Variants in SNW1 observed in about 807,000 individuals in gnomAD.
SNW1 encodes SNW domain-containing protein 1.
In SNW1, 9 loss-of-function variants were observed where a neutral mutation model predicts 75.6. The observed-to-expected ratio is 0.12, with a 90% CI of 0.07 to 0.21. The LOEUF is 0.21. Among genes scored for constraint, SNW1 ranks in the 10% least tolerant of loss-of-function variants. SNW1 has a pLI of 1.00. For synonymous variants in SNW1, 200 were observed against 219.1 expected (o/e 0.91, Z 0.77); for missense variants, 409 against 670.9 (o/e 0.61, Z 4.31).
Position 77,733,999 on chromosome 14 carries a change from A to T in SNW1, c.774+948T>A, listed in dbSNP as rs1395771898. 8 of 419,064 alleles carry T rather than the reference A, an allele frequency of 1.9e-5. No homozygotes were observed. The East Asian group carries it at 5.1e-4, about 27-fold the overall frequency. The allele number at this position is 419,064 out of a possible 1,614,324, so 26.0% of individuals were successfully genotyped here. On this transcript the variant is annotated intron_variant, in intron 8 of 13. Coordinates refer to ENST00000261531, the MANE Select transcript of SNW1 (RefSeq NM_012245.3). The stretch of plus-strand genomic sequence containing the variant: ...AGCTCAAGATACCATCCAGTTACAA[A>T]ATACCAATCAACTCAAATCAGACCA...
intron 3 of SNW1, among the ~76,000 whole-genome samples, chr14:77,749,029 A>G (rs969447599): frequency 3.9e-5 from 6 of 152,188 alleles, no homozygotes; most frequent in African/African-American, 1.4e-4. Context: ...AAAATTATGT[A>G]TTTAGGTTTG....
rs1566835911 is a variant in SNW1 at position 77,751,337 on chromosome 14, T to C, written c.312A>G (p.Gln104=). 1 of 1,613,166 alleles carries C rather than the reference T, an allele frequency of 6.2e-7. No homozygotes were observed. The highest frequency in any genetic ancestry group is 8.5e-7 in the Non-Finnish European group (1 of 1,179,704). ...GGATTACCTTGTCTTTTGACTGTCC[T>C]TGTCGAGCAATTGCATCATATTTAA... ...GKIKYDAIAR[Q]GQSKDKVIYS... The change falls in exon 3 of 14, where the codon CAA becomes CAG. Residue 104 remains glutamine (Q), a synonymous_variant. Transcript: ENST00000261531.
At chr14:77,722,940 G>A (rs1595073922) in intron 11 of SNW1, 1 of 478,850 alleles carries the variant, frequency 2.1e-6, no homozygotes, top group East Asian at 4.4e-5. Flanking sequence ...CACCTCCCGG[G>A]TTCACGCCAT....
intron 7 of SNW1, 136 bp from the exon 8 acceptor site, chr14:77,735,148 T>C: frequency 1.8e-6 from 1 of 557,904 alleles, no homozygotes; most frequent in Non-Finnish European, 3.2e-6. Context: ...AGCAGTCCAT[T>C]TGTTTGCTAG....
intron 5 of SNW1, 156 bp downstream of exon 5, chr14:77,738,622 T>A: frequency 1.6e-6 from 1 of 628,836 alleles, no homozygotes; most frequent in Non-Finnish European, 2.8e-6. Flanking sequence ...AAAATTCTGC[T>A]TTCAATTGTC....
At chr14:77,740,385 A>G (rs755460715) in intron 3 of SNW1, among the ~76,000 whole-genome samples, 36 of 152,230 alleles carry the variant, frequency 2.4e-4, no homozygotes, top group Non-Finnish European at 4.9e-4. Context: ...AAAAAAGTTT[A>G]AAGGAAATGC....
intron 10 of SNW1, among the ~76,000 whole-genome samples, chr14:77,724,779 G>A (rs187862741): frequency 1.3e-5 from 2 of 152,236 alleles, no homozygotes; most frequent in East Asian, 3.9e-4. Flanking sequence ...TCCGTATCTT[G>A]GTAACTGTAA....
rs181894313 is a variant in SNW1, at chr14:77,740,261, T to G, written c.331-1200A>C. On this transcript the variant is annotated intron_variant, in intron 3 of 13. Coordinates refer to ENST00000261531, the MANE Select transcript of SNW1 (RefSeq NM_012245.3). ...AAAAAGAAAGGACAACTTATAAATA[T>G]CAAAGAAAATCAAATTCCTAGGCAC... Among the ~76,000 whole-genome samples the G allele has an allele frequency of 1.1e-3, 168 of 151,084 alleles. 2 individuals are homozygous for G. Among genetic ancestry groups the G allele is most frequent in the African/African-American group, 4.0e-3 (165 of 41,254 alleles).
In SNW1 at chr14:77,736,061, C is replaced by A; in HGVS notation, c.639-55G>T. The A allele has an allele frequency of 2.4e-6, 3 of 1,264,998 alleles. No homozygotes were observed. The Admixed American group carries it at 5.8e-5, about 25-fold the overall frequency. The allele number at this position is 1,264,998 out of a possible 1,614,324, so 78.4% of individuals were successfully genotyped here. On this transcript the variant is annotated intron_variant, in intron 6 of 13. Coordinates refer to ENST00000261531, the MANE Select transcript of SNW1 (RefSeq NM_012245.3). ...ATATAGTTTCCTCCCTTTTAGTCAT[C>A]ATATCAAGTCTCTCCTCCTTTTTCT...
chr14:77,729,987 TCC>T (rs1160837511), intron 10 of SNW1, among the ~76,000 whole-genome samples: 1 of 152,128 alleles, frequency 6.6e-6, no homozygotes, highest in African/African-American at 2.4e-5. Context: ...CTCCTACTTA[TCC>T]CCTTCTTTCT....
intron 9 of SNW1, among the ~76,000 whole-genome samples, chr14:77,731,620 G>C (rs866373665): frequency 1.2e-4 from 18 of 152,140 alleles, no homozygotes; most frequent in African/African-American, 3.9e-4. Flanking sequence ...ACTTACATCT[G>C]CTAGATAATT....
chr14:77,758,006 T>C (rs1205830267), intron 1 of SNW1, among the ~76,000 whole-genome samples: 2 of 106,170 alleles, frequency 1.9e-5, no homozygotes, highest in Non-Finnish European at 3.9e-5. Flanking sequence ...ATCACAATTT[T>C]TCTCTATCTA....
chr14:77,720,720 G>A lies in SNW1; in HGVS notation c.1239C>T (p.Asn413=), dbSNP rs1246241942. The change falls in exon 12 of 14, where the codon AAC becomes AAT. Residue 413 remains asparagine (N), a synonymous_variant. Coordinates refer to ENST00000261531, the MANE Select transcript of SNW1 (RefSeq NM_012245.3). ...NEVQYDQRLF[N]QSKGMDSGFA... ...GTTCCTAAACTTGTACCTTGGATTG[G>A]TTGAAGAGCCTTTGGTCATACTGAA... is the stretch of plus-strand genomic sequence containing the variant. 6.2e-7 allele frequency: 1 copy of A among 1,607,834 alleles called. No homozygotes were observed. The highest frequency in any genetic ancestry group is 8.5e-7 in the Non-Finnish European group (1 of 1,174,616).
At position 77,745,436 on chromosome 14, in the gene SNW1, G is replaced by A. The variant is rs143780625; in HGVS notation, c.330+5883C>T. Reference sequence around the variant, plus strand: ...ATGTTTTTTCTTCTTGGCTGGGCACGGTGTCTCATGCCTGTAATCCCAGCA... The same window carrying A: ...ATGTTTTTTCTTCTTGGCTGGGCACAGTGTCTCATGCCTGTAATCCCAGCA... On this transcript the variant is annotated intron_variant, in intron 3 of 13. Transcript: ENST00000261531. Among the ~76,000 whole-genome samples, 528 of 152,256 alleles carry A rather than the reference G, an allele frequency of 3.5e-3. 4 individuals are homozygous for A. Among genetic ancestry groups the A allele is most frequent in the Middle Eastern group, 0.021 (6 of 292 alleles).
chr14:77,733,727 A>G (rs1461799193), intron 8 of SNW1, among the ~76,000 whole-genome samples: 1 of 140,888 alleles, frequency 7.1e-6, no homozygotes, highest in East Asian at 2.2e-4. Flanking sequence ...CCTGGGCAAC[A>G]GAGCGAGACC....
chr14:77,733,941 T>C (rs1475904743), intron 8 of SNW1: 3 of 446,812 alleles, frequency 6.7e-6, no homozygotes, highest in African/African-American at 2.0e-5. Context: ...TTTTAGTCCA[T>C]GGTCTCATAA....
At chr14:77,737,611 T>C (rs1197336779) in intron 5 of SNW1, among the ~76,000 whole-genome samples, 1 of 152,206 alleles carries the variant, frequency 6.6e-6, no homozygotes, top group African/African-American at 2.4e-5. Flanking sequence ...CTATTACTTA[T>C]AAATGGAAAA....
In SNW1 at chr14:77,718,526, A is replaced by G. The variant is rs1349409413; in HGVS notation, c.1253T>C (p.Met418Thr). 1.1e-5 allele frequency: 17 copies of G among 1,573,460 alleles called. No homozygotes were observed. Among genetic ancestry groups the G allele is most frequent in the South Asian group, 3.4e-5 (3 of 87,274 alleles). The change falls in exon 13 of 14, where the codon ATG becomes ACG. Residue 418 changes from methionine to threonine, a missense_variant. Physicochemically the swap from Met to Thr is moderately conservative, Grantham distance 81 (BLOSUM62 -1). Transcript: ENST00000261531. ...DQRLFNQSKG[M>T]DSGFAGGEDE... is the part of the protein sequence containing the mutation. ...TTCTCCACCTGCAAATCCACTGTCC[A>G]TACCCTGTGGAAAAATGGATGACAT...
At chr14:77,727,196 G>T (rs933004276) in intron 10 of SNW1, among the ~76,000 whole-genome samples, 9 of 152,226 alleles carry the variant, frequency 5.9e-5, no homozygotes, top group African/African-American at 2.2e-4. Flanking sequence ...TGGGATTACA[G>T]GTGAACGCCA....
Sources: gnomAD v4.1 joint callset for allele counts (sites outside exome capture counted in the v4.1 genomes callset) on GRCh38, gnomAD v4.1.1 for gene constraint, MANE v1.5 for transcripts, NCBI Gene and HGNC (gene_info 2026-07-23, HGNC 2026-07-21) for gene names.